SLC10A7: variants seen among roughly 807,000 people sequenced by gnomAD.
SLC10A7 encodes the protein solute carrier family 10 member 7.
In SLC10A7, 29 loss-of-function variants were observed where a neutral mutation model predicts 43.2. The ratio of observed to expected loss-of-function variants is 0.67; its 90% CI spans 0.50 to 0.92. SLC10A7 has a LOEUF of 0.92. SLC10A7 is among the 40% of genes least tolerant of loss of function. The probability of loss-of-function intolerance (pLI) is 0.00; values close to 1 mark genes in which losing one functional copy is unlikely to be tolerated. For synonymous variants in SLC10A7, 152 were observed against 144.8 expected (o/e 1.05, Z -0.35); for missense variants, 295 against 403.2 (o/e 0.73, Z 2.30).
At position 146,399,146 on chromosome 4, in the gene SLC10A7, G is replaced by A. The variant is rs545856185; in HGVS notation, c.435+43637C>T. 1.2e-4 allele frequency among the ~76,000 whole-genome samples: 19 copies of A among 152,260 alleles called. No individual in the cohort carries two copies. In the South Asian group the frequency reaches 2.9e-3, roughly 23 times the overall value. Reference sequence around the variant, plus strand: ...AAGAGGAGCAAATCTAGTGAAGATCGGAGGAAAGAGTGTTCTAGACACAGG... The same window carrying A: ...AAGAGGAGCAAATCTAGTGAAGATCAGAGGAAAGAGTGTTCTAGACACAGG... On this transcript the variant is annotated intron_variant, in intron 5 of 11. Transcript: ENST00000335472.
intron 7 of SLC10A7, among the ~76,000 whole-genome samples, chr4:146,302,613 G>A (rs770453043): frequency 1.3e-5 from 2 of 152,176 alleles, no homozygotes; most frequent in Non-Finnish European, 2.9e-5. Context: ...TGAGAAACAA[G>A]TTGAGGTGGG....
intron 5 of SLC10A7, among the ~76,000 whole-genome samples, chr4:146,423,164 C>T (rs1022905644): frequency 1.3e-5 from 2 of 152,112 alleles, no homozygotes. Flanking sequence ...AAATGTCACC[C>T]TAAAAATGCA....
intron 9 of SLC10A7, among the ~76,000 whole-genome samples, chr4:146,284,458 C>T (rs1441800698): frequency 1.3e-5 from 2 of 152,140 alleles, no homozygotes; most frequent in African/African-American, 2.4e-5. Context: ...AACTCCCCGC[C>T]GGGTTCCCCC....
chr4:146,258,310 G>A (rs1560739152), intron 11 of SLC10A7, among the ~76,000 whole-genome samples: 1 of 152,108 alleles, frequency 6.6e-6, no homozygotes, highest in South Asian at 2.1e-4. Flanking sequence ...TATCTTATTT[G>A]GAAAGGCATG....
At chr4:146,416,583 A>G (rs1728581750) in intron 5 of SLC10A7, among the ~76,000 whole-genome samples, 1 of 152,156 alleles carries the variant, frequency 6.6e-6, no homozygotes, top group African/African-American at 2.4e-5. Flanking sequence ...AAATTTCACA[A>G]TAATTACTTA....
rs547410190 is a variant in SLC10A7 at position 146,501,632 on chromosome 4, C to T, written c.396+2217G>A. On this transcript the variant is annotated intron_variant, in intron 4 of 11. Transcript: ENST00000335472. Reference sequence around the variant, plus strand: ...ATCTTTAGGGATGGCAAAAGACCTTCCCACTGACCCACATGGGACATGTAC... The same window carrying T: ...ATCTTTAGGGATGGCAAAAGACCTTTCCACTGACCCACATGGGACATGTAC... Among the ~76,000 whole-genome samples the T allele has an allele frequency of 3.3e-5, 5 of 152,292 alleles. No individual in the cohort carries two copies. The South Asian group carries it at 1.0e-3, about 32-fold the overall frequency.
intron 4 of SLC10A7, among the ~76,000 whole-genome samples, chr4:146,485,438 C>T (rs1362597805): frequency 2.6e-5 from 4 of 152,144 alleles, no homozygotes; most frequent in Non-Finnish European, 5.9e-5. Flanking sequence ...AAAACAGGGT[C>T]ACATAGTTTG....
At chr4:146,448,859 GTCAGGGACCACT>G (rs1253905612) in intron 4 of SLC10A7, among the ~76,000 whole-genome samples, 1 of 152,162 alleles carries the variant, frequency 6.6e-6, no homozygotes, top group East Asian at 1.9e-4. Context: ...CCAAAAGTGG[GTCAGGGACCACT>G]TCACATGCAG....
intron 4 of SLC10A7, among the ~76,000 whole-genome samples, chr4:146,476,732 A>G (rs1183168597): frequency 6.6e-6 from 1 of 152,214 alleles, no homozygotes; most frequent in Non-Finnish European, 1.5e-5. Context: ...TTACTTGCTT[A>G]AAGTAATCCA....
At chr4:146,276,172 G>C (rs1729195105) in intron 10 of SLC10A7, among the ~76,000 whole-genome samples, 1 of 152,180 alleles carries the variant, frequency 6.6e-6, no homozygotes, top group Non-Finnish European at 1.5e-5. Flanking sequence ...TAACAAGTCA[G>C]TAATTTCACC....
rs759987637 is a variant in SLC10A7, at chr4:146,501,090, C to T, written c.396+2759G>A. On this transcript the variant is annotated intron_variant, in intron 4 of 11. Transcript: ENST00000335472. ...GCTGGTTATTCCTCATTCCCTTGAC[C>T]TCTTAATGTTGGAGTGATCCAGGGC... Among the ~76,000 whole-genome samples, 3 of 152,124 alleles carry T rather than the reference C, an allele frequency of 2.0e-5. 1 individual carries two copies. The highest frequency in any genetic ancestry group is 2.9e-5 in the Non-Finnish European group (2 of 68,026).
chr4:146,391,902 C>T (rs1738458308), intron 5 of SLC10A7, among the ~76,000 whole-genome samples: 1 of 152,218 alleles, frequency 6.6e-6, no homozygotes, highest in Non-Finnish European at 1.5e-5. Flanking sequence ...TTACCCTAAA[C>T]AGTAACTGTG....
intron 6 of SLC10A7, among the ~76,000 whole-genome samples, chr4:146,321,450 T>A (rs1297005629): frequency 6.6e-6 from 1 of 152,126 alleles, no homozygotes; most frequent in African/African-American, 2.4e-5. Context: ...TGTCCTCATC[T>A]TAACTAATTA....
At chr4:146,371,050 T>C (rs1287233882) in intron 5 of SLC10A7, among the ~76,000 whole-genome samples, 1 of 152,222 alleles carries the variant, frequency 6.6e-6, no homozygotes, top group Non-Finnish European at 1.5e-5. Flanking sequence ...GTATTATATG[T>C]ACAGCACTTT....
rs147129678 is a variant in SLC10A7, at chr4:146,256,859, C to A, written c.994-339G>T. The stretch of plus-strand genomic sequence containing the variant: ...TGGACTCTTGGTATTTATTTTAATG[C>A]CCAAATTTGATGGATAGATATTCCA... On this transcript the variant is annotated intron_variant, in intron 11 of 11. Coordinates refer to ENST00000335472, the MANE Select transcript of SLC10A7 (RefSeq NM_001029998.6). 19 of 1,536,126 alleles carry A rather than the reference C, an allele frequency of 1.2e-5. 1 individual carries two copies. In the East Asian group the frequency reaches 4.4e-4, roughly 36 times the overall value.
chr4:146,485,933 G>T (rs1341710873), intron 4 of SLC10A7, among the ~76,000 whole-genome samples: 1 of 152,090 alleles, frequency 6.6e-6, no homozygotes, highest in African/African-American at 2.4e-5. Context: ...GAAAAGAGAG[G>T]TGTGAATTTT....
At chr4:146,296,000 T>G (rs1730758640) in intron 7 of SLC10A7, among the ~76,000 whole-genome samples, 1 of 152,130 alleles carries the variant, frequency 6.6e-6, no homozygotes, top group Non-Finnish European at 1.5e-5. Context: ...GTGAAAACCA[T>G]TTTAAAACCC....
intron 4 of SLC10A7, among the ~76,000 whole-genome samples, chr4:146,487,610 T>G (rs1441292928): frequency 3.9e-5 from 6 of 152,226 alleles, no homozygotes. Context: ...TGAAAGTGTC[T>G]TGAAGAAGGA....
rs572993886 is a variant in SLC10A7, at chr4:146,451,231, C to CAAAAAAAAAA, written c.397-8420_397-8411dup. On this transcript the variant is annotated intron_variant, in intron 4 of 11. Transcript: ENST00000335472. The stretch of plus-strand genomic sequence containing the variant: ...CAAGGCTGAATCAGAAGTCTCCCAC[C>CAAAAAAAAAA]AAAAAAAAAAAAAAAAAAACAAAAA... 1.2e-3 allele frequency among the ~76,000 whole-genome samples: 87 copies of CAAAAAAAAAA among 71,624 alleles called. 2 individuals are homozygous for CAAAAAAAAAA. The highest frequency in any genetic ancestry group is 3.1e-3 in the East Asian group (7 of 2,260). The allele number at this position is 71,624 out of a possible 152,430, so 47.0% of individuals were successfully genotyped here.
Sources: allele counts gnomAD v4.1 joint callset (sites outside exome capture counted in the v4.1 genomes callset), GRCh38; gene constraint gnomAD v4.1.1; transcripts MANE v1.5; gene names NCBI Gene and HGNC (gene_info 2026-07-23, HGNC 2026-07-21).